The following DOK3 variants were observed in gnomAD, a reference collection of about 807,000 sequenced individuals.
DOK3 encodes the protein Dok-like protein.
A neutral mutation model predicts 26.2 loss-of-function variants in DOK3; 23 were observed. The ratio of observed to expected loss-of-function variants is 0.88; its 90% CI spans 0.63 to 1.24. The LOEUF is 1.24. DOK3 is among the 50% of genes most tolerant of loss of function. DOK3 has a pLI of 0.00. For missense variants in DOK3, 619 were observed against 610.6 expected (o/e 1.01, Z -0.15); for synonymous variants, 268 against 268.2 (o/e 1.00, Z 0.01).
chr5:177,509,830 C>G (rs149834473), upstream of DOK3: 1 of 1,611,168 alleles, frequency 6.2e-7, no homozygotes, highest in African/African-American at 1.3e-5. Flanking sequence ...CGCGTCTGAT[C>G]GCAGTCTGGC....
Position 177,503,648 on chromosome 5 carries a change from G to A in DOK3, c.*335C>T. On this transcript the variant is annotated 3_prime_UTR_variant, in exon 6 of 6. Coordinates refer to ENST00000510898, the MANE Select transcript of DOK3 (RefSeq NM_001308236.3). ...TTCCATCCCGTCTGTCTGCTGCAGT[G>A]GGTTTGAGCCCACGGGTGGCAGGTA... 7.5e-7 allele frequency: 1 copy of A among 1,333,546 alleles called. No homozygotes were observed. Among genetic ancestry groups the A allele is most frequent in the Non-Finnish European group, 9.8e-7 (1 of 1,019,056 alleles). The allele number at this position is 1,333,546 out of a possible 1,614,324, so 82.6% of individuals were successfully genotyped here. A position where few individuals can be genotyped will look rare whatever the true frequency, so the allele number is the denominator to read the frequency against.
intron 4 of DOK3, 36 bp downstream of exon 4, chr5:177,504,975 G>C: frequency 6.3e-7 from 1 of 1,588,126 alleles, no homozygotes; most frequent in Non-Finnish European, 8.6e-7. Context: ...CTGGGTGTGG[G>C]GGGCTGAGGC....
At chr5:177,508,093 C>A in intron 3 of DOK3, 144 bp downstream of exon 3, 1 of 1,081,848 alleles carries the variant, frequency 9.2e-7, no homozygotes, top group Non-Finnish European at 1.3e-6. Context: ...GCACGCACGG[C>A]CCTCTGAGAG....
intron 3 of DOK3, 120 bp from the exon 4 acceptor site, chr5:177,505,230 G>T: frequency 1.2e-6 from 1 of 866,738 alleles, no homozygotes; most frequent in Non-Finnish European, 1.7e-6. Context: ...TCCAGTTCCA[G>T]CTTTGCCCGG....
chr5:177,504,685 G>T, intron 5 of DOK3, 25 bp from the exon 6 acceptor site: 2 of 1,613,646 alleles, frequency 1.2e-6, no homozygotes, highest in Non-Finnish European at 1.7e-6. Flanking sequence ...CACGGGTGGG[G>T]ATTAGCAGGA....
At position 177,503,180 on chromosome 5, in the gene DOK3, A is replaced by G. The variant is rs960600895; in HGVS notation, c.*803T>C. Reference sequence around the variant, plus strand: ...GCCAGGAGCAGGAGCAGAGGAGGGAACGCAGCATGGAAGTCTTCAGGAAAC... The same window carrying G: ...GCCAGGAGCAGGAGCAGAGGAGGGAGCGCAGCATGGAAGTCTTCAGGAAAC... On this transcript the variant is annotated 3_prime_UTR_variant, in exon 6 of 6. Coordinates refer to ENST00000510898, the MANE Select transcript of DOK3 (RefSeq NM_001308236.3). 5.2e-6 allele frequency: 8 copies of G among 1,551,144 alleles called. No homozygotes were observed. The African/African-American group carries it at 6.9e-5, about 13-fold the overall frequency.
chr5:177,506,047 G>A (rs1035724931), intron 3 of DOK3, among the ~76,000 whole-genome samples: 3 of 150,996 alleles, frequency 2.0e-5, no homozygotes, highest in African/African-American at 7.3e-5. Context: ...CCGCCTCCCG[G>A]GTTTAAGTGA....
chr5:177,508,843 G>A (rs746297904), intron 2 of DOK3: 1 of 364,368 alleles, frequency 2.7e-6, no homozygotes. Context: ...CCAGTGGCCG[G>A]GCAGACCACC....
At position 177,503,154 on chromosome 5, in the gene DOK3, C is replaced by T. The variant is rs547730915; in HGVS notation, c.*829G>A. The T allele has an allele frequency of 4.0e-5, 61 of 1,527,270 alleles. No homozygotes were observed. In the South Asian group the frequency reaches 6.7e-4, roughly 17 times the overall value. The allele number at this position is 1,527,270 out of a possible 1,614,324, so 94.6% of individuals were successfully genotyped here. A position where few individuals can be genotyped will look rare whatever the true frequency, so the allele number is the denominator to read the frequency against. ...CGTGCGTGGCTGGCTCCTAGGATGG[C>T]GCCAGGAGCAGGAGCAGAGGAGGGA... On this transcript the variant is annotated 3_prime_UTR_variant, in exon 6 of 6. Transcript: ENST00000510898.
chr5:177,503,298 C>G lies in DOK3; in HGVS notation c.*685G>C. The G allele has an allele frequency of 6.4e-7, 1 of 1,550,608 alleles. No homozygotes were observed. The highest frequency in any genetic ancestry group is 8.7e-7 in the Non-Finnish European group (1 of 1,145,952). ...CCCAGCGCCTGGCACTGAGTAGGCA[C>G]GCAGCAAACTCTCATCAAGGATTAT... is the stretch of plus-strand genomic sequence containing the variant. On this transcript the variant is annotated 3_prime_UTR_variant, in exon 6 of 6. Coordinates refer to ENST00000510898, the MANE Select transcript of DOK3 (RefSeq NM_001308236.3).
At chr5:177,510,029 T>C, upstream of DOK3, 1 of 823,412 alleles carries the variant, frequency 1.2e-6, no homozygotes, top group South Asian at 1.7e-5. Flanking sequence ...GAAATCTCTC[T>C]CGTGTTCACC....
Position 177,503,099 on chromosome 5 carries a change from GCAGT to G in DOK3, c.*880_*883del, listed in dbSNP as rs1759513891. On this transcript the variant is annotated 3_prime_UTR_variant, in exon 6 of 6. Transcript: ENST00000510898. ...AGGTGGAGTTGCGGTGAGGGGCTGG[GCAGT>G]CAGAGCCCTGGAGGCATGACGCTTG... 6.5e-7 allele frequency: 1 copy of G among 1,550,226 alleles called. No homozygotes were observed. Among genetic ancestry groups the G allele is most frequent in the African/African-American group, 1.4e-5 (1 of 73,002 alleles).
intron 3 of DOK3, among the ~76,000 whole-genome samples, chr5:177,508,024 C>T (rs1285280867): frequency 6.6e-6 from 1 of 152,250 alleles, no homozygotes; most frequent in Non-Finnish European, 1.5e-5. Flanking sequence ...CTTCCCTGGC[C>T]ACCCTGCCCG....
chr5:177,504,596 G>A lies in DOK3; in HGVS notation c.710C>T (p.Thr237Ile). 1.2e-6 allele frequency: 2 copies of A among 1,609,490 alleles called. No homozygotes were observed. Among genetic ancestry groups the A allele is most frequent in the Non-Finnish European group, 8.5e-7 (1 of 1,178,836 alleles). ...CCTGCACAGGTCAGGGGCACAGGGG[G>A]TGCTGAAGGCAAAGAGGCCCTCACC... is the stretch of plus-strand genomic sequence containing the variant. ...HSGEGLFAFSTPCAPDLCRAV... is the reference protein window; with the variant it reads ...HSGEGLFAFSIPCAPDLCRAV... Residue 237 changes from threonine (T) to isoleucine (I), a missense_variant, in exon 6 of 6, where the codon ACC becomes ATC. Transcript: ENST00000510898.
chr5:177,510,999 C>T (rs1348939858), upstream of DOK3: 1 of 152,376 alleles, frequency 6.6e-6, no homozygotes, highest in Non-Finnish European at 1.5e-5. Flanking sequence ...GTGCGTCTTT[C>T]TCTCCCCTCG....
rs1759625574 is a variant in DOK3, at chr5:177,503,804, C to T, written c.*179G>A. ...CTGAGCTTTATTATCTGTGAGTCTG[C>T]ACACTATTCATGAGGAGGGCAGGGC... On this transcript the variant is annotated 3_prime_UTR_variant, in exon 6 of 6. Coordinates refer to ENST00000510898, the MANE Select transcript of DOK3 (RefSeq NM_001308236.3). 2.1e-6 allele frequency: 3 copies of T among 1,430,778 alleles called. No individual in the cohort carries two copies. Among genetic ancestry groups the T allele is most frequent in the Non-Finnish European group, 2.7e-6 (3 of 1,097,088 alleles). 88.6% of individuals were successfully genotyped at this position (1,430,778 alleles called of 1,614,324 possible). A position where few individuals can be genotyped will look rare whatever the true frequency, so the allele number is the denominator to read the frequency against.
At position 177,507,748 on chromosome 5, in the gene DOK3, C is replaced by A. The variant is rs868383189; in HGVS notation, c.372+489G>T. ...ACAAACATGTCCGGCTTAAACCCTC[C>A]AAAGCCTTCGCCTCTCACTCAGAAC... On this transcript the variant is annotated intron_variant, in intron 3 of 5. Coordinates refer to ENST00000510898, the MANE Select transcript of DOK3 (RefSeq NM_001308236.3). Among the ~76,000 whole-genome samples the A allele has an allele frequency of 1.3e-5, 2 of 152,218 alleles. 1 individual carries two copies. The highest frequency in any genetic ancestry group is 4.8e-5 in the African/African-American group (2 of 41,458).
chr5:177,503,607 A>G lies in DOK3; in HGVS notation c.*376T>C, dbSNP rs1360831971. On this transcript the variant is annotated 3_prime_UTR_variant, in exon 6 of 6. Transcript: ENST00000510898. ...GTGTCACTCGGCCGTGCAGAGCAAC[A>G]TGGAGTCCTAATGATTTCCATCCCG... is the stretch of plus-strand genomic sequence containing the variant. 11 of 1,282,012 alleles carry G rather than the reference A, an allele frequency of 8.6e-6. No individual in the cohort carries two copies. Among genetic ancestry groups the G allele is most frequent in the Admixed American group, 3.0e-5 (1 of 33,516 alleles). The allele number at this position is 1,282,012 out of a possible 1,614,324, so 79.4% of individuals were successfully genotyped here.
At position 177,504,841 on chromosome 5, in the gene DOK3, C is replaced by T; in HGVS notation, c.547G>A (p.Val183Met). 6.2e-7 allele frequency: 1 copy of T among 1,612,984 alleles called. No individual in the cohort carries two copies. The highest frequency in any genetic ancestry group is 8.5e-7 in the Non-Finnish European group (1 of 1,179,460). The change falls in exon 5 of 6, where the codon GTG becomes ATG. Residue 183 changes from valine (V) to methionine (M), a missense_variant. Val to Met is a conservative substitution (Grantham distance 21). Coordinates refer to ENST00000510898, the MANE Select transcript of DOK3 (RefSeq NM_001308236.3). Reference sequence around the variant, plus strand: ...AGCTGGATGGCGTCTGGGCCCAGCACCAGCAGGGCCGGCCCCTTCAGCTGG... The same window carrying T: ...AGCTGGATGGCGTCTGGGCCCAGCATCAGCAGGGCCGGCCCCTTCAGCTGG... ...RCQLKGPALL[V>M]LGPDAIQLRE...
Sources: gnomAD v4.1 joint callset for allele counts (sites outside exome capture counted in the v4.1 genomes callset) on GRCh38, gnomAD v4.1.1 for gene constraint, MANE v1.5 for transcripts, NCBI Gene and HGNC (gene_info 2026-07-23, HGNC 2026-07-21) for gene names.